The following FDXR variants were observed in gnomAD, a reference collection of about 807,000 sequenced individuals.
FDXR encodes the protein ferredoxin reductase, also known as NADPH:adrenodoxin oxidoreductase, mitochondrial.
Under a neutral mutation model 58.3 loss-of-function variants are expected in FDXR, and 38 were observed. That is an observed-to-expected ratio of 0.65 (90% CI 0.50 to 0.85). The LOEUF (loss-of-function observed/expected upper bound fraction) is 0.85. Ranked by LOEUF, FDXR falls within the 40% of genes least tolerant of loss-of-function variation. The pLI is 0.00. For missense variants in FDXR, 624 were observed against 671.0 expected (o/e 0.93, Z 0.77); for synonymous variants, 275 against 273.8 (o/e 1.00, Z -0.04).
In FDXR at chr17:74,864,247, A is replaced by C; in HGVS notation, c.903T>G (p.Arg301=). 3.1e-6 allele frequency: 5 copies of C among 1,603,444 alleles called. No individual in the cohort carries two copies. The highest frequency in any genetic ancestry group is 4.3e-6 in the Non-Finnish European group (5 of 1,172,574). The change falls in exon 9 of 12, where the codon CGT becomes CGG. Residue 301 remains arginine (R), a synonymous_variant. Coordinates refer to ENST00000293195, the MANE Select transcript of FDXR (RefSeq NM_024417.5). ...TTCGGAAAAAGCGGAGGCCCCAGGC[A>C]CGGGAGGCCGATGCCTGGCGGGCAG... The part of the protein sequence containing the change: ...AEAARQASAS[R]AWGLRFFRSP...
intron 2 of FDXR, among the ~76,000 whole-genome samples, chr17:74,869,251 C>T (rs1441962259): frequency 2.6e-5 from 4 of 152,206 alleles, no homozygotes; most frequent in Non-Finnish European, 5.9e-5. Flanking sequence ...GGGTGTTTAA[C>T]ATTGCTGACT....
At chr17:74,868,850 ACTCT>A (rs1008396916) in intron 2 of FDXR, 9 of 1,063,430 alleles carry the variant, frequency 8.5e-6, no homozygotes, top group African/African-American at 4.9e-5. Flanking sequence ...ATGACTTTCT[ACTCT>A]CTCTCTCCTG....
At chr17:74,864,748 T>A in intron 7 of FDXR, 76 bp downstream of exon 7, 1 of 1,587,076 alleles carries the variant, frequency 6.3e-7, no homozygotes, top group Non-Finnish European at 8.6e-7. Context: ...TCCCAGGGGC[T>A]CTGCCCCACC....
rs690514 is a variant in FDXR, at chr17:74,866,471, T to C, written c.368A>G (p.Gln123Arg). Reference sequence around the variant, plus strand: ...CAGCACCACAGCGTGGTAGGCCTCCTGCAGCTCCGGCACCGTCACGTCCCT... The same window carrying C: ...CAGCACCACAGCGTGGTAGGCCTCCCGCAGCTCCGGCACCGTCACGTCCCT... Reference protein sequence around the residue: ...VGRDVTVPELQEAYHAVVLSY... With the variant: ...VGRDVTVPELREAYHAVVLSY... Residue 123 changes from glutamine (Q) to arginine (R), a missense_variant, in exon 4 of 12, where the codon CAG (glutamine) becomes CGG (arginine). Transcript: ENST00000293195. 0.79 allele frequency: 1,282,002 copies of C among 1,612,948 alleles called. 512,443 individuals are homozygous for C. Among genetic ancestry groups the C allele is most frequent in the African/African-American group, 0.94 (70,730 of 74,998 alleles).
chr17:74,865,230 C>A (rs1185808177), intron 6 of FDXR, among the ~76,000 whole-genome samples: 3 of 152,130 alleles, frequency 2.0e-5, no homozygotes, highest in African/African-American at 7.2e-5. Flanking sequence ...AGACAAGGAG[C>A]AGGCCCTCTC....
Position 74,872,986 on chromosome 17 carries a change from C to G in FDXR, c.-42G>C. ...CTGCAAGTGGATCTGTTCCTAGCTA[C>G]TGCTCCGCAGGGCAAGCCCGCTCCT... On this transcript the variant is annotated 5_prime_UTR_variant, in exon 1 of 12. Transcript: ENST00000293195. 2 of 1,527,422 alleles carry G rather than the reference C, an allele frequency of 1.3e-6. No individual in the cohort carries two copies. Among genetic ancestry groups the G allele is most frequent in the Non-Finnish European group, 1.8e-6 (2 of 1,131,276 alleles). 94.6% of individuals were successfully genotyped at this position (1,527,422 alleles called of 1,614,324 possible). A position where few individuals can be genotyped will look rare whatever the true frequency, so the allele number is the denominator to read the frequency against.
chr17:74,863,237 C>T lies in FDXR; in HGVS notation c.1184G>A (p.Cys395Tyr). The T allele has an allele frequency of 6.2e-7, 1 of 1,612,158 alleles. No individual in the cohort carries two copies. The highest frequency in any genetic ancestry group is 8.5e-7 in the Non-Finnish European group (1 of 1,179,306). ...AGGTCCTCTCTTCACCCAGCCGCTG[C>T]AGTAGAGGCCTGAGAGGGGGTAACA... ...GRVMDVPGLY[C>Y]SGWVKRGPTG... The change falls in exon 11 of 12, where the codon TGC becomes TAC. Residue 395 changes from cysteine (C) to tyrosine (Y), a missense_variant. Coordinates refer to ENST00000293195, the MANE Select transcript of FDXR (RefSeq NM_024417.5).
intron 6 of FDXR, among the ~76,000 whole-genome samples, chr17:74,865,229 G>A (rs377405901): frequency 1.3e-5 from 2 of 152,152 alleles, no homozygotes; most frequent in Non-Finnish European, 1.5e-5. Context: ...GAGACAAGGA[G>A]CAGGCCCTCT....
At chr17:74,865,931 C>A in intron 5 of FDXR, 111 bp from the exon 6 acceptor site, 1 of 954,124 alleles carries the variant, frequency 1.0e-6, no homozygotes, top group Middle Eastern at 2.3e-4. Context: ...TTCCCCACAC[C>A]GGGAAAGTCC....
intron 10 of FDXR, among the ~76,000 whole-genome samples, chr17:74,863,628 C>T (rs2038054210): frequency 6.6e-6 from 1 of 152,206 alleles, no homozygotes; most frequent in African/African-American, 2.4e-5. Flanking sequence ...TCTCCAATCC[C>T]AGCACTAAGC....
chr17:74,866,073 G>T, intron 5 of FDXR, 58 bp downstream of exon 5: 1 of 1,290,404 alleles, frequency 7.7e-7, no homozygotes, highest in Non-Finnish European at 1.1e-6. Context: ...CCCAGGTCTG[G>T]CATCCAAGGG....
chr17:74,872,008 A>C (rs2038388671), intron 2 of FDXR, 28 bp downstream of exon 2: 2 of 1,518,628 alleles, frequency 1.3e-6, no homozygotes, highest in African/African-American at 2.8e-5. Flanking sequence ...GCAGCAGGTG[A>C]ATGATGGACT....
intron 2 of FDXR, 184 bp from the exon 3 acceptor site, chr17:74,867,060 A>G: frequency 1.5e-6 from 2 of 1,357,380 alleles, no homozygotes; most frequent in South Asian, 3.0e-5. Context: ...TCAGCCCAGC[A>G]CTTTGGGAGG....
rs2038060452 is a variant in FDXR, at chr17:74,863,807, G to A, written c.1174+89C>T. On this transcript the variant is annotated intron_variant, in intron 10 of 11. Transcript: ENST00000293195. ...CTGCAGAAGCTTCTCAGTACATGTT[G>A]CTAGATGAATGAACGCATGGCCCCA... 3 of 1,483,210 alleles carry A rather than the reference G, an allele frequency of 2.0e-6. No homozygotes were observed. The African/African-American group carries it at 4.2e-5, about 21-fold the overall frequency. 91.9% of individuals were successfully genotyped at this position (1,483,210 alleles called of 1,614,324 possible). A position where few individuals can be genotyped will look rare whatever the true frequency, so the allele number is the denominator to read the frequency against.
Position 74,864,918 on chromosome 17 carries a change from G to C in FDXR, c.623C>G (p.Thr208Arg). ...CCTCAGTACACCCAGGGCTGCCTTC[G>C]TGATGTCCGTTCTCTGGCACAAAAG... ...PPEHLERTDI[T>R]KAALGVLRQS... Residue 208 changes from threonine (T) to arginine (R), a missense_variant, in exon 7 of 12, where the codon ACG becomes AGG. Physicochemically the swap from Thr to Arg is moderately conservative, Grantham distance 71. Transcript: ENST00000293195. The C allele has an allele frequency of 6.2e-7, 1 of 1,614,164 alleles. No individual in the cohort carries two copies. The highest frequency in any genetic ancestry group is 8.5e-7 in the Non-Finnish European group (1 of 1,180,010).
rs1179210362 is a variant in FDXR, at chr17:74,864,188, C to T, written c.962G>A (p.Arg321Gln). 4.3e-6 allele frequency: 7 copies of T among 1,612,666 alleles called. No individual in the cohort carries two copies. Among genetic ancestry groups the T allele is most frequent in the Admixed American group, 1.7e-5 (1 of 60,024 alleles). ...PQQVLPSPDG[R>Q]RAAGVRLAVT... is the part of the protein sequence containing the mutation. ...TGCTAGGCGGACACCTGCTGCCCGC[C>T]GCCCATCTGGTGAGGGCAGCACCTG... The change falls in exon 9 of 12, where the codon CGG becomes CAG. Residue 321 changes from arginine (R) to glutamine (Q), a missense_variant. Physicochemically the swap from Arg to Gln is conservative, Grantham distance 43. Coordinates refer to ENST00000293195, the MANE Select transcript of FDXR (RefSeq NM_024417.5).
rs371773392 is a variant in FDXR at position 74,864,009 on chromosome 17, C to T, written c.1061G>A (p.Gly354Glu). Reference sequence around the variant, plus strand: ...ATACCCAATGCTGCTGAGCACCAGCCCACAAGGGAGGTCTTCCATGTCTCC... The same window carrying T: ...ATACCCAATGCTGCTGAGCACCAGCTCACAAGGGAGGTCTTCCATGTCTCC... ...PTGDMEDLPC[G>E]LVLSSIGYKS... Residue 354 changes from glycine to glutamate, a missense_variant, in exon 10 of 12, where the codon GGG becomes GAG. By Grantham distance (98) the Gly-to-Glu change is moderately conservative. Transcript: ENST00000293195. The T allele has an allele frequency of 6.2e-7, 1 of 1,613,948 alleles. No individual in the cohort carries two copies. Among genetic ancestry groups the T allele is most frequent in the Non-Finnish European group, 8.5e-7 (1 of 1,180,046 alleles).
intron 3 of FDXR, 88 bp downstream of exon 3, chr17:74,866,696 G>C: frequency 6.3e-7 from 1 of 1,581,236 alleles, no homozygotes; most frequent in Non-Finnish European, 8.7e-7. Context: ...ACGGCATGAA[G>C]TCCTGTCATC....
At position 74,872,142 on chromosome 17, in the gene FDXR, A is replaced by C. The variant is rs2038394975; in HGVS notation, c.80-9T>G. ...GAAATGGTGGCAGAAGCCTGGGGCCAGGCAGAGGAGAGGGAAAAGGTCAAA... is the reference window on the plus strand; with the variant it reads ...GAAATGGTGGCAGAAGCCTGGGGCCCGGCAGAGGAGAGGGAAAAGGTCAAA... On this transcript the variant is annotated splice_polypyrimidine_tract_variant and intron_variant, in intron 1 of 11. Transcript: ENST00000293195. 6.2e-7 allele frequency: 1 copy of C among 1,605,136 alleles called. No individual in the cohort carries two copies. Among genetic ancestry groups the C allele is most frequent in the Non-Finnish European group, 8.5e-7 (1 of 1,175,124 alleles).
Sources: gnomAD v4.1 joint callset for allele counts (sites outside exome capture counted in the v4.1 genomes callset) on GRCh38, gnomAD v4.1.1 for gene constraint, MANE v1.5 for transcripts, NCBI Gene and HGNC (gene_info 2026-07-23, HGNC 2026-07-21) for gene names.